TRIP4: variants seen among roughly 807,000 people sequenced by gnomAD.
The protein encoded by TRIP4 is activating signal cointegrator 1.
TRIP4 carries 54 observed loss-of-function variants against 81.8 expected under a neutral mutation model. The observed-to-expected ratio is 0.66, with a 90% confidence interval of 0.53 to 0.83. The LOEUF (loss-of-function observed/expected upper bound fraction) is 0.83, where lower values mean the gene tolerates loss of function less well. Among genes scored for constraint, TRIP4 ranks in the 40% least tolerant of loss-of-function variants. TRIP4 has a pLI of 0.00. For missense variants in TRIP4, 662 were observed against 683.6 expected (o/e 0.97, Z 0.35); for synonymous variants, 270 against 242.8 (o/e 1.11, Z -1.04).
At chr15:64,432,440 T>G (rs957696315) in intron 11 of TRIP4, among the ~76,000 whole-genome samples, 3 of 117,504 alleles carry the variant, frequency 2.6e-5, no homozygotes, top group African/African-American at 9.0e-5. Flanking sequence ...TTGGTGACCA[T>G]CTCTACTAAA....
At chr15:64,417,613 T>TG (rs1891916119) in intron 8 of TRIP4, among the ~76,000 whole-genome samples, 1 of 152,236 alleles carries the variant, frequency 6.6e-6, no homozygotes, top group Non-Finnish European at 1.5e-5. Context: ...CACTCTCCTG[T>TG]AATTACCTGT....
At chr15:64,440,141 C>T (rs1354345825) in intron 11 of TRIP4, among the ~76,000 whole-genome samples, 2 of 151,956 alleles carry the variant, frequency 1.3e-5, no homozygotes, top group Admixed American at 1.3e-4. Context: ...CCAGTACCTC[C>T]TGAGTGGCTT....
intron 9 of TRIP4, among the ~76,000 whole-genome samples, chr15:64,423,190 C>T (rs1036681114): frequency 3.3e-5 from 5 of 152,012 alleles, no homozygotes; most frequent in Non-Finnish European, 7.4e-5. Flanking sequence ...CAAATGGAGC[C>T]GGGCATGGTG....
intron 11 of TRIP4, among the ~76,000 whole-genome samples, chr15:64,435,892 T>G (rs1892383267): frequency 2.8e-5 from 1 of 35,862 alleles, no homozygotes; most frequent in Non-Finnish European, 9.3e-5. Context: ...AATGGTAGAT[T>G]GAAAAAAAAA....
At chr15:64,426,877 A>G (rs530324215) in intron 11 of TRIP4, among the ~76,000 whole-genome samples, 116 of 148,006 alleles carry the variant, frequency 7.8e-4, no homozygotes, top group African/African-American at 2.5e-3. Flanking sequence ...GCACGCGCTT[A>G]TAGTCCCAAC....
chr15:64,388,635 A>G (rs551378255), intron 1 of TRIP4, among the ~76,000 whole-genome samples: 1 of 152,256 alleles, frequency 6.6e-6, no homozygotes, highest in Admixed American at 6.5e-5. Context: ...AGTCGGCCCA[A>G]TCTGAGTTGT....
intron 11 of TRIP4, among the ~76,000 whole-genome samples, chr15:64,426,861 G>A (rs980837370): frequency 9.9e-5 from 15 of 151,096 alleles, no homozygotes; most frequent in Non-Finnish European, 1.9e-4. Flanking sequence ...ATTGCTGGGT[G>A]TGATGGCACG....
chr15:64,411,103 G>T (rs1338559529), intron 7 of TRIP4, among the ~76,000 whole-genome samples: 1 of 152,096 alleles, frequency 6.6e-6, no homozygotes, highest in Non-Finnish European at 1.5e-5. Context: ...AAATGATGCA[G>T]CCTACATACT....
At chr15:64,447,166 C>T (rs2140314897) in intron 12 of TRIP4, among the ~76,000 whole-genome samples, 1 of 152,238 alleles carries the variant, frequency 6.6e-6, no homozygotes, top group African/African-American at 2.4e-5. Flanking sequence ...GTGGTGTCCT[C>T]CCTGCCTAAC....
chr15:64,402,469 C>T (rs1403299784), intron 5 of TRIP4, among the ~76,000 whole-genome samples: 2 of 151,732 alleles, frequency 1.3e-5, no homozygotes, highest in Non-Finnish European at 2.9e-5. Flanking sequence ...GTTCCACCCA[C>T]CTCAGCCTCC....
intron 5 of TRIP4, among the ~76,000 whole-genome samples, chr15:64,401,723 A>C (rs1294452381): frequency 6.6e-6 from 1 of 152,176 alleles, no homozygotes; most frequent in Non-Finnish European, 1.5e-5. Flanking sequence ...ATAAGTTAAT[A>C]AAATGGAGAA....
At chr15:64,429,041 G>A (rs1408852304) in intron 11 of TRIP4, among the ~76,000 whole-genome samples, 6 of 151,978 alleles carry the variant, frequency 3.9e-5, no homozygotes, top group African/African-American at 9.7e-5. Context: ...TGGGTTGGGC[G>A]TGGTGGCTCA....
chr15:64,407,507 A>G (rs1596341867), intron 6 of TRIP4, among the ~76,000 whole-genome samples: 2 of 152,070 alleles, frequency 1.3e-5, no homozygotes, highest in Middle Eastern at 6.8e-3. Context: ...CTCACTAAAA[A>G]TACAAAAAAA....
chr15:64,437,263 T>TTA (rs1555411577), intron 11 of TRIP4, among the ~76,000 whole-genome samples: 1 of 146,426 alleles, frequency 6.8e-6, no homozygotes, highest in African/African-American at 2.5e-5. Flanking sequence ...TACTAAAGAT[T>TTA]AAAAAAAAAA....
At chr15:64,430,722 T>C (rs1376965381) in intron 11 of TRIP4, among the ~76,000 whole-genome samples, 1 of 152,210 alleles carries the variant, frequency 6.6e-6, no homozygotes, top group Non-Finnish European at 1.5e-5. Flanking sequence ...TTCTATTTCT[T>C]CTGAACTGAA....
At chr15:64,400,632 C>G (rs190677062) in intron 4 of TRIP4, 111 bp from the exon 5 acceptor site, 1 of 778,068 alleles carries the variant, frequency 1.3e-6, no homozygotes, top group East Asian at 2.7e-5. Flanking sequence ...CACCAATAGT[C>G]TCATTATTTT....
intron 5 of TRIP4, among the ~76,000 whole-genome samples, chr15:64,402,063 A>G (rs1305753533): frequency 1.3e-5 from 2 of 152,166 alleles, no homozygotes; most frequent in Admixed American, 1.3e-4. Context: ...GTATTATACC[A>G]ATATTAATTT....
At chr15:64,450,344 G>T (rs1596366675) in intron 12 of TRIP4, among the ~76,000 whole-genome samples, 1 of 148,312 alleles carries the variant, frequency 6.7e-6, no homozygotes, top group East Asian at 2.0e-4. Context: ...AGTCGAGATG[G>T]CGCCACTGCA....
chr15:64,431,847 A>ATATT lies in TRIP4; in HGVS notation c.1575+6217_1575+6218insATTT. Among the ~76,000 whole-genome samples, 51 of 119,536 alleles carry ATATT rather than the reference A, an allele frequency of 4.3e-4. No individual in the cohort carries two copies. In the East Asian group the frequency reaches 7.6e-3, roughly 18 times the overall value. The allele number at this position is 119,536 out of a possible 152,430, so 78.4% of individuals were successfully genotyped here. A position where few individuals can be genotyped will look rare whatever the true frequency, so the allele number is the denominator to read the frequency against. On this transcript the variant is annotated intron_variant, in intron 11 of 12. Transcript: ENST00000261884. Reference sequence around the variant, plus strand: ...CCATTTATATTATATATATATATATATTTTTTTTATCCAAAGAGCATTGTG... The same window carrying ATATT: ...CCATTTATATTATATATATATATATATATTTTTTTTTTATCCAAAGAGCATTGTG...
Sources: gnomAD v4.1 joint callset for allele counts (sites outside exome capture counted in the v4.1 genomes callset) on GRCh38, gnomAD v4.1.1 for gene constraint, MANE v1.5 for transcripts, NCBI Gene and HGNC (gene_info 2026-07-23, HGNC 2026-07-21) for gene names.